KRT19: variants seen among roughly 807,000 people sequenced by gnomAD.
KRT19 encodes the protein keratin, type I cytoskeletal 19.
A neutral mutation model predicts 34.6 loss-of-function variants in KRT19; 21 were observed. The observed-to-expected ratio is 0.61, with a 90% CI of 0.43 to 0.87. KRT19 has a LOEUF of 0.87. Among genes scored for constraint, KRT19 ranks in the 40% least tolerant of loss-of-function variants. KRT19 has a pLI of 0.00. For missense variants in KRT19, 514 were observed against 545.7 expected (o/e 0.94, Z 0.58); for synonymous variants, 240 against 245.8 (o/e 0.98, Z 0.22).
At chr17:41,524,608 C>A (rs1338110458) in intron 3 of KRT19, 68 bp from the exon 4 acceptor site, 3 of 1,552,944 alleles carry the variant, frequency 1.9e-6, no homozygotes, top group South Asian at 1.1e-5. Flanking sequence ...CAGGTCACTT[C>A]CCCACCCTTC....
chr17:41,523,670 G>T lies in KRT19; in HGVS notation c.*73C>A, dbSNP rs1005940180. On this transcript the variant is annotated 3_prime_UTR_variant, in exon 6 of 6. Coordinates refer to ENST00000361566, the MANE Select transcript of KRT19 (RefSeq NM_002276.5). ...GGTCAGGAGAAGAGCCGGGGGTAAG[G>T]GTCCCTTCCTTCCCATCCCTCTACC... is the stretch of plus-strand genomic sequence containing the variant. 3 of 1,488,400 alleles carry T rather than the reference G, an allele frequency of 2.0e-6. No homozygotes were observed. Among genetic ancestry groups the T allele is most frequent in the Non-Finnish European group, 2.8e-6 (3 of 1,081,710 alleles). The allele number at this position is 1,488,400 out of a possible 1,614,324, so 92.2% of individuals were successfully genotyped here. A position where few individuals can be genotyped will look rare whatever the true frequency, so the allele number is the denominator to read the frequency against.
chr17:41,524,266 A>C lies in KRT19; in HGVS notation c.825T>G (p.Thr275=). ...KDAEAWFTSR[T]EELNREVAGH... The stretch of plus-strand genomic sequence containing the variant: ...CAGCGACCTCCCGGTTCAATTCTTC[A>C]GTCTGCAGAGAGAGGAAGAAGAGGG... Residue 275 remains threonine, a splice_region_variant and synonymous_variant, in exon 5 of 6, where the codon ACT becomes ACG. Transcript: ENST00000361566. 1 of 1,613,824 alleles carries C rather than the reference A, an allele frequency of 6.2e-7. No homozygotes were observed. The highest frequency in any genetic ancestry group is 8.5e-7 in the Non-Finnish European group (1 of 1,179,836).
intron 1 of KRT19, 125 bp downstream of exon 1, chr17:41,527,702 AC>A: frequency 9.9e-7 from 1 of 1,009,876 alleles, no homozygotes; most frequent in South Asian, 1.7e-5. Context: ...ACTCGGCCCC[AC>A]CTGTGGACCT....
intron 1 of KRT19, among the ~76,000 whole-genome samples, chr17:41,526,518 G>A (rs540967977): frequency 1.9e-4 from 27 of 142,684 alleles, no homozygotes; most frequent in African/African-American, 7.0e-4. Context: ...CACTGATCAC[G>A]TACAGCTCGC....
chr17:41,523,836 C>T lies in KRT19; in HGVS notation c.1110G>A (p.Lys370=). The change falls in exon 6 of 6, where the codon AAG becomes AAA. Residue 370 remains lysine, a synonymous_variant. Transcript: ENST00000361566. Reference sequence around the variant, plus strand: ...TGGCAATCTCCTGCTCCAGCCGCGACTTGATGTCCATGAGCCGCTGGTACT... The same window carrying T: ...TGGCAATCTCCTGCTCCAGCCGCGATTTGATGTCCATGAGCCGCTGGTACT... The part of the protein sequence containing the change: ...NQEYQRLMDI[K]SRLEQEIATY... 3.1e-6 allele frequency: 5 copies of T among 1,614,040 alleles called. No homozygotes were observed. The highest frequency in any genetic ancestry group is 4.2e-6 in the Non-Finnish European group (5 of 1,180,020).
intron 1 of KRT19, among the ~76,000 whole-genome samples, chr17:41,526,641 G>C (rs764575250): frequency 8.1e-6 from 1 of 123,830 alleles, no homozygotes; most frequent in South Asian, 2.7e-4. Context: ...GCGCAATCTC[G>C]GCTCACTGCA....
chr17:41,526,488 C>T lies in KRT19; in HGVS notation c.421-1215G>A, dbSNP rs184293635. ...TTGATACAGGGTCTCGCTGTGTTGC[C>T]CCAGGCTGGAGTGCAGTGGCACTGA... On this transcript the variant is annotated intron_variant, in intron 1 of 5. Transcript: ENST00000361566. Among the ~76,000 whole-genome samples, 574 of 151,240 alleles carry T rather than the reference C, an allele frequency of 3.8e-3. 6 individuals are homozygous for T. Among genetic ancestry groups the T allele is most frequent in the Non-Finnish European group, 5.3e-3 (359 of 67,916 alleles).
intron 3 of KRT19, 33 bp from the exon 4 acceptor site, chr17:41,524,573 G>A (rs1181001916): frequency 1.9e-6 from 3 of 1,610,534 alleles, no homozygotes; most frequent in Non-Finnish European, 1.7e-6. Flanking sequence ...GGCATGTCAG[G>A]GCCCAGACCC....
In KRT19 at chr17:41,524,948, G is replaced by A. The variant is rs1200010216; in HGVS notation, c.555C>T (p.Gly185=). 2 of 1,614,110 alleles carry A rather than the reference G, an allele frequency of 1.2e-6. No individual in the cohort carries two copies. The highest frequency in any genetic ancestry group is 1.7e-5 in the Admixed American group (1 of 60,008). ...LRMSVEADIN[G]LRRVLDELTL... ...TCAGCTCATCCAGCACCCTGCGCAGGCCGTTGATGTCGGCCTCCACGCTCA... is the reference window on the plus strand; with the variant it reads ...TCAGCTCATCCAGCACCCTGCGCAGACCGTTGATGTCGGCCTCCACGCTCA... Residue 185 remains glycine, a synonymous_variant, in exon 3 of 6, where the codon GGC becomes GGT. Transcript: ENST00000361566.
At chr17:41,524,787 T>G in intron 3 of KRT19, 56 bp downstream of exon 3, 1 of 1,584,622 alleles carries the variant, frequency 6.3e-7, no homozygotes, top group Non-Finnish European at 8.7e-7. Context: ...AATAAAAGAG[T>G]CTTCAGCCCT....
chr17:41,527,768 C>G, intron 1 of KRT19, 60 bp downstream of exon 1: 5 of 1,505,596 alleles, frequency 3.3e-6, no homozygotes, highest in Non-Finnish European at 4.4e-6. Flanking sequence ...TCGCCCGGCC[C>G]GCGGGGCTGG....
chr17:41,524,291 G>T, intron 4 of KRT19, 23 bp from the exon 5 acceptor site: 1 of 1,612,850 alleles, frequency 6.2e-7, no homozygotes, highest in Non-Finnish European at 8.5e-7. Flanking sequence ...GAAGAAGAGG[G>T]AATAAGCATT....
chr17:41,528,115 C>G lies in KRT19; in HGVS notation c.133G>C (p.Val45Leu), dbSNP rs772897568. ...SIHGGSGGRGVSVSSARFVSS... is the reference protein window; with the variant it reads ...SIHGGSGGRGLSVSSARFVSS... ...ACAAAGCGGGCGGAGGACACGGATA[C>G]GCCGCGGCCGCCGGAGCCCCCGTGA... Residue 45 changes from valine (V) to leucine (L), a missense_variant, in exon 1 of 6, where the codon GTA (valine) becomes CTA (leucine). By Grantham distance (32) the Val-to-Leu change is conservative. Transcript: ENST00000361566. 6.2e-7 allele frequency: 1 copy of G among 1,607,264 alleles called. No homozygotes were observed. Among genetic ancestry groups the G allele is most frequent in the South Asian group, 1.1e-5 (1 of 90,880 alleles).
intron 1 of KRT19, among the ~76,000 whole-genome samples, chr17:41,527,183 C>T (rs1412066539): frequency 6.6e-6 from 1 of 152,242 alleles, no homozygotes; most frequent in African/African-American, 2.4e-5. Context: ...CGACAAGGAG[C>T]TGCCACTGTA....
At chr17:41,525,803 TCA>T (rs1905843286) in intron 1 of KRT19, 1 of 158,004 alleles carries the variant, frequency 6.3e-6, no homozygotes, top group Non-Finnish European at 1.4e-5. Context: ...TCATCCAAGT[TCA>T]CCCCAACCTG....
rs775079220 is a variant in KRT19 at position 41,524,332 on chromosome 17, C to T, written c.822+47G>A. 15 of 1,611,504 alleles carry T rather than the reference C, an allele frequency of 9.3e-6. 1 individual carries two copies. In the South Asian group the frequency reaches 1.6e-4, roughly 18 times the overall value. ...AGACCTTCGCGTAGGGAACACAAAG[C>T]CCTCCCCTTCCTAACCCCCAAAGGG... On this transcript the variant is annotated intron_variant, in intron 4 of 5. Transcript: ENST00000361566.
At chr17:41,527,420 A>T (rs928813891) in intron 1 of KRT19, among the ~76,000 whole-genome samples, 1 of 152,224 alleles carries the variant, frequency 6.6e-6, no homozygotes, top group African/African-American at 2.4e-5. Context: ...CGGGTGGACC[A>T]GATCACCAAA....
intron 3 of KRT19, 118 bp from the exon 4 acceptor site, chr17:41,524,658 C>G: frequency 7.8e-7 from 1 of 1,286,496 alleles, no homozygotes; most frequent in Non-Finnish European, 1.1e-6. Flanking sequence ...GGCCTAGTAA[C>G]TAGCACTGGG....
At chr17:41,526,674 C>A (rs1224537194) in intron 1 of KRT19, among the ~76,000 whole-genome samples, 1 of 146,492 alleles carries the variant, frequency 6.8e-6, no homozygotes, top group Non-Finnish European at 1.5e-5. Flanking sequence ...TGGGTTCCAG[C>A]AATTCTCCTG....
Sources: gnomAD v4.1 joint callset for allele counts (sites outside exome capture counted in the v4.1 genomes callset) on GRCh38, gnomAD v4.1.1 for gene constraint, MANE v1.5 for transcripts, NCBI Gene and HGNC (gene_info 2026-07-23, HGNC 2026-07-21) for gene names.